Variants in CSMD3 observed in about 807,000 individuals in gnomAD.
CSMD3 encodes the protein CUB and Sushi multiple domains 3, also known as CUB and sushi domain-containing protein 3.
A neutral mutation model predicts 435.2 loss-of-function variants in CSMD3; 177 were observed. That is an observed-to-expected ratio of 0.41 (90% CI 0.36 to 0.46). The LOEUF (loss-of-function observed/expected upper bound fraction) is 0.46. Among genes scored for constraint, CSMD3 ranks in the 20% least tolerant of loss-of-function variants. The pLI is 0.34. For synonymous variants in CSMD3, 1,656 were observed against 1,520.5 expected (o/e 1.09, Z -2.07); for missense variants, 4,265 against 4,504.6 (o/e 0.95, Z 1.52).
chr8:113,336,897 A>G (rs1334266544), intron 1 of CSMD3, among the ~76,000 whole-genome samples: 4 of 152,094 alleles, frequency 2.6e-5, no homozygotes, highest in Non-Finnish European at 4.4e-5. Flanking sequence ...GGGTGTTGGA[A>G]CACCTTCTTG....
At chr8:112,900,352 G>A in intron 10 of CSMD3, among the ~76,000 whole-genome samples, 1 of 151,320 alleles carries the variant, frequency 6.6e-6, no homozygotes, top group East Asian at 2.0e-4. Context: ...TTAAATTTTG[G>A]AAGATGAGAT....
chr8:113,001,742 T>C (rs2085872068), intron 6 of CSMD3, among the ~76,000 whole-genome samples: 1 of 152,054 alleles, frequency 6.6e-6, no homozygotes, highest in African/African-American at 2.4e-5. Flanking sequence ...AACAACATCA[T>C]TTTTTTCCTC....
At chr8:113,053,607 T>C (rs2088190490) in intron 5 of CSMD3, among the ~76,000 whole-genome samples, 1 of 152,046 alleles carries the variant, frequency 6.6e-6, no homozygotes. Flanking sequence ...CTTATACATA[T>C]ACAAGTGAAA....
At chr8:112,940,245 C>T (rs2083411204) in intron 9 of CSMD3, among the ~76,000 whole-genome samples, 1 of 151,546 alleles carries the variant, frequency 6.6e-6, no homozygotes, top group Non-Finnish European at 1.5e-5. Context: ...TGAGATATAC[C>T]AGCATTTTAA....
intron 35 of CSMD3, among the ~76,000 whole-genome samples, chr8:112,405,554 T>A (rs927954313): frequency 1.3e-5 from 2 of 151,660 alleles, no homozygotes; most frequent in Non-Finnish European, 2.9e-5. Flanking sequence ...TAATTTTAGA[T>A]AGTATACATT....
intron 54 of CSMD3, among the ~76,000 whole-genome samples, chr8:112,295,255 G>A (rs1392014086): frequency 2.4e-4 from 37 of 151,994 alleles, no homozygotes; most frequent in Non-Finnish European, 2.9e-5. Flanking sequence ...CTCTATATAA[G>A]GGAATTACGG....
chr8:112,414,404 T>C (rs926220421), intron 32 of CSMD3, among the ~76,000 whole-genome samples: 10 of 152,208 alleles, frequency 6.6e-5, no homozygotes, highest in Admixed American at 6.5e-4. Flanking sequence ...TGTGTCCTGC[T>C]GCCACATGAA....
intron 6 of CSMD3, among the ~76,000 whole-genome samples, chr8:113,013,749 G>A (rs907030897): frequency 3.3e-5 from 5 of 151,968 alleles, no homozygotes; most frequent in Non-Finnish European, 7.4e-5. Context: ...CCTGGGGAGC[G>A]AGTCCATTGT....
At chr8:112,559,489 G>A (rs1828422999) in intron 24 of CSMD3, among the ~76,000 whole-genome samples, 1 of 151,702 alleles carries the variant, frequency 6.6e-6, no homozygotes, top group African/African-American at 2.4e-5. Flanking sequence ...TTTTCATTAG[G>A]TATTCATGGT....
chr8:112,384,331 G>T (rs1250053627), intron 36 of CSMD3, among the ~76,000 whole-genome samples: 5 of 152,066 alleles, frequency 3.3e-5, no homozygotes, highest in African/African-American at 4.8e-5. Context: ...CACAGTGAAG[G>T]TCCTTAAAGT....
chr8:112,383,264 T>C (rs556270853), intron 37 of CSMD3, among the ~76,000 whole-genome samples: 15 of 152,252 alleles, frequency 9.9e-5, no homozygotes, highest in Admixed American at 6.5e-4. Context: ...ATCCTTTTCT[T>C]TTAAGGAAAA....
chr8:112,904,210 T>C (rs1197797755), intron 10 of CSMD3, among the ~76,000 whole-genome samples: 1 of 151,428 alleles, frequency 6.6e-6, no homozygotes, highest in African/African-American at 2.4e-5. Context: ...TCAAGATCTA[T>C]TGTACAGCGC....
intron 31 of CSMD3, among the ~76,000 whole-genome samples, chr8:112,481,995 T>A (rs553966081): frequency 4.2e-4 from 64 of 152,042 alleles, no homozygotes; most frequent in African/African-American, 1.5e-3. Context: ...ATTTCACACT[T>A]CTTTTTAATA....
chr8:112,757,968 A>C (rs1259644398), intron 13 of CSMD3, among the ~76,000 whole-genome samples: 2 of 152,122 alleles, frequency 1.3e-5, no homozygotes, highest in African/African-American at 4.8e-5. Context: ...AGGCAAGAAG[A>C]TCCTTTAAGC....
chr8:112,644,367 G>A (rs544349319), intron 20 of CSMD3, among the ~76,000 whole-genome samples: 4 of 151,896 alleles, frequency 2.6e-5, no homozygotes, highest in Non-Finnish European at 5.9e-5. Flanking sequence ...GTAAGAAAAC[G>A]AATTATTAAT....
chr8:112,372,734 A>G (rs1828527301), intron 38 of CSMD3, among the ~76,000 whole-genome samples: 1 of 151,892 alleles, frequency 6.6e-6, no homozygotes, highest in Non-Finnish European at 1.5e-5. Context: ...ATGTAGTCCC[A>G]GCTACTCAGG....
At chr8:112,284,662 A>G (rs894344708) in intron 58 of CSMD3, among the ~76,000 whole-genome samples, 2 of 151,934 alleles carry the variant, frequency 1.3e-5, no homozygotes, top group African/African-American at 4.8e-5. Context: ...TGCTAGTTAT[A>G]AACAGAAATA....
intron 5 of CSMD3, among the ~76,000 whole-genome samples, chr8:113,045,929 T>C (rs1335169148): frequency 6.7e-6 from 1 of 149,664 alleles, no homozygotes. Context: ...CACAGAATTT[T>C]CTTTTAGACC....
intron 1 of CSMD3, among the ~76,000 whole-genome samples, chr8:113,414,926 A>G (rs752163652): frequency 2.6e-5 from 4 of 152,168 alleles, no homozygotes; most frequent in Admixed American, 6.6e-5. Flanking sequence ...AGATTGTGCC[A>G]CTGCGCTCCA....
Sources: allele counts gnomAD v4.1 joint callset (sites outside exome capture counted in the v4.1 genomes callset), GRCh38; gene constraint gnomAD v4.1.1; transcripts MANE v1.5; gene names NCBI Gene and HGNC (gene_info 2026-07-23, HGNC 2026-07-21).